The following FER variants were observed in gnomAD, a reference collection of about 807,000 sequenced individuals.
FER encodes the protein tyrosine-protein kinase Fer.
A neutral mutation model predicts 111.0 loss-of-function variants in FER; 63 were observed. The observed-to-expected ratio is 0.57, with a 90% CI of 0.46 to 0.70. The LOEUF is 0.70. FER is among the 30% of genes least tolerant of loss of function. The pLI is 0.00. For synonymous variants in FER, 327 were observed against 313.9 expected, an observed-to-expected ratio of 1.04 and a Z score of -0.44; for missense variants, 914 against 954.0, an observed-to-expected ratio of 0.96 and a Z score of 0.55.
At chr5:108,994,767 G>A (rs1661638942) in intron 13 of FER, among the ~76,000 whole-genome samples, 1 of 152,028 alleles carries the variant, frequency 6.6e-6, no homozygotes, top group Non-Finnish European at 1.5e-5. Context: ...CCATTTGTTT[G>A]TTTCCTCTCT....
chr5:109,008,718 C>T (rs1031634693), intron 13 of FER, among the ~76,000 whole-genome samples: 9 of 152,146 alleles, frequency 5.9e-5, no homozygotes, highest in Non-Finnish European at 1.2e-4. Flanking sequence ...CAGTGGCTCA[C>T]GCCTGTAATC....
At chr5:108,851,759 A>G (rs887184195) in intron 5 of FER, among the ~76,000 whole-genome samples, 3 of 152,192 alleles carry the variant, frequency 2.0e-5, no homozygotes, top group Non-Finnish European at 2.9e-5. Context: ...ATATATTCAG[A>G]TATAGCCTAC....
intron 13 of FER, among the ~76,000 whole-genome samples, chr5:109,006,074 T>C (rs1358040941): frequency 6.6e-6 from 1 of 152,246 alleles, no homozygotes; most frequent in Non-Finnish European, 1.5e-5. Context: ...AAGCTACTTA[T>C]ATGCTTTTTG....
chr5:108,999,885 G>T (rs992473874), intron 13 of FER, among the ~76,000 whole-genome samples: 2 of 151,814 alleles, frequency 1.3e-5, no homozygotes, highest in African/African-American at 4.8e-5. Context: ...TTGATTTTTA[G>T]TCTCTTTTAA....
At chr5:109,167,631 T>C (rs531639307) in intron 17 of FER, among the ~76,000 whole-genome samples, 2 of 152,350 alleles carry the variant, frequency 1.3e-5, no homozygotes, top group South Asian at 4.1e-4. Flanking sequence ...AATTACTTTG[T>C]AACTACAGTT....
intron 10 of FER, among the ~76,000 whole-genome samples, chr5:108,902,046 C>G (rs1236020642): frequency 3.3e-5 from 5 of 152,166 alleles, no homozygotes; most frequent in African/African-American, 1.2e-4. Flanking sequence ...CACTCTACTT[C>G]TCTGAACTTA....
At chr5:109,137,523 A>G (rs74814518) in intron 17 of FER, among the ~76,000 whole-genome samples, 5,229 of 152,288 alleles carry the variant, frequency 0.034, 146 homozygotes, top group South Asian at 0.084. Context: ...CTGGCTTCCA[A>G]TTGTAGAGAA....
intron 9 of FER, among the ~76,000 whole-genome samples, chr5:108,895,710 C>T (rs996454144): frequency 3.9e-5 from 6 of 152,154 alleles, no homozygotes; most frequent in African/African-American, 9.7e-5. Flanking sequence ...TTCTTTGCCA[C>T]GTAAGCTGAC....
chr5:108,807,383 C>T (rs1177023504), intron 3 of FER, among the ~76,000 whole-genome samples: 1 of 152,120 alleles, frequency 6.6e-6, no homozygotes, highest in Non-Finnish European at 1.5e-5. Flanking sequence ...TTTGTCCATT[C>T]CTGTAGATTT....
chr5:108,999,656 A>G (rs1158772944), intron 13 of FER, among the ~76,000 whole-genome samples: 16 of 151,344 alleles, frequency 1.1e-4, no homozygotes, highest in Admixed American at 1.1e-3. Flanking sequence ...TTATACTCCT[A>G]TCAGTATGGC....
intron 3 of FER, among the ~76,000 whole-genome samples, chr5:108,810,688 G>C (rs1468245653): frequency 1.3e-5 from 2 of 152,198 alleles, no homozygotes; most frequent in Non-Finnish European, 2.9e-5. Flanking sequence ...TGATTCAGAA[G>C]AGTAGGTGCT....
rs190537727 is a variant in FER at position 109,161,939 on chromosome 5, T to A, written c.2049-18808T>A. On this transcript the variant is annotated intron_variant, in intron 17 of 19. Coordinates refer to ENST00000281092, the MANE Select transcript of FER (RefSeq NM_005246.4). ...AACCTCACTAGCATCTGTTACTTACTTTTTAATAGCCATTCCGACTGGTGT... is the reference window on the plus strand; with the variant it reads ...AACCTCACTAGCATCTGTTACTTACATTTTAATAGCCATTCCGACTGGTGT... Among the ~76,000 whole-genome samples, 3 of 152,272 alleles carry A rather than the reference T, an allele frequency of 2.0e-5. No individual in the cohort carries two copies. In the East Asian group the frequency reaches 5.8e-4, roughly 29 times the overall value.
intron 10 of FER, among the ~76,000 whole-genome samples, chr5:108,936,286 T>G (rs933193362): frequency 6.6e-6 from 1 of 152,068 alleles, no homozygotes; most frequent in Non-Finnish European, 1.5e-5. Context: ...GTGGCTATTA[T>G]TTTACCTTTA....
intron 16 of FER, among the ~76,000 whole-genome samples, chr5:109,056,922 C>T (rs1217387811): frequency 6.6e-6 from 1 of 152,108 alleles, no homozygotes; most frequent in African/African-American, 2.4e-5. Flanking sequence ...AAGTCCTTTG[C>T]ATTTCCATAT....
At chr5:109,139,831 T>G (rs538717488) in intron 17 of FER, among the ~76,000 whole-genome samples, 1 of 152,246 alleles carries the variant, frequency 6.6e-6, no homozygotes, top group South Asian at 2.1e-4. Context: ...AAGTAAGTAT[T>G]GGTTAGGAAG....
intron 10 of FER, among the ~76,000 whole-genome samples, chr5:108,921,536 C>T (rs1753015981): frequency 1.3e-5 from 2 of 151,978 alleles, no homozygotes; most frequent in African/African-American, 2.4e-5. Flanking sequence ...CTCGTATCAA[C>T]AAGTAGAGTT....
intron 17 of FER, among the ~76,000 whole-genome samples, chr5:109,148,239 T>C (rs1033334484): frequency 2.6e-4 from 39 of 152,104 alleles, no homozygotes; most frequent in African/African-American, 9.4e-4. Context: ...TGCCATACAG[T>C]TACCTGCACT....
intron 3 of FER, among the ~76,000 whole-genome samples, chr5:108,818,908 A>G (rs547777845): frequency 1.2e-4 from 18 of 152,334 alleles, no homozygotes; most frequent in South Asian, 2.1e-4. Context: ...AGCTTTTCCT[A>G]TGGCTCTTCA....
At chr5:108,826,813 T>C (rs1294201386) in intron 3 of FER, among the ~76,000 whole-genome samples, 1 of 152,238 alleles carries the variant, frequency 6.6e-6, no homozygotes, top group African/African-American at 2.4e-5. Context: ...TTCTTCATGA[T>C]TCAGTCTTGG....
Sources: allele counts gnomAD v4.1 joint callset (sites outside exome capture counted in the v4.1 genomes callset), GRCh38; gene constraint gnomAD v4.1.1; transcripts MANE v1.5; gene names NCBI Gene and HGNC (gene_info 2026-07-23, HGNC 2026-07-21).